SLC16A2: variants seen among roughly 807,000 people sequenced by gnomAD.
SLC16A2 encodes the protein monocarboxylate transporter 8.
A neutral mutation model predicts 27.2 loss-of-function variants in SLC16A2; 3 were observed. The observed-to-expected ratio is 0.11, with a 90% confidence interval of 0.05 to 0.28. SLC16A2 has a LOEUF of 0.28. Ranked by LOEUF, SLC16A2 falls within the 10% of genes least tolerant of loss-of-function variation. The pLI is 1.00. For missense variants in SLC16A2, 295 were observed against 458.5 expected (o/e 0.64, Z 3.26); for synonymous variants, 202 against 187.8 (o/e 1.08, Z -0.62).
At chrX:74,516,959 T>A (rs1930326263) in intron 1 of SLC16A2, among the ~76,000 whole-genome samples, 1 of 112,035 alleles carries the variant, frequency 8.9e-6, no homozygotes, top group African/African-American at 3.2e-5. Flanking sequence ...ACTGTATGAC[T>A]CCATTTATAT....
At chrX:74,511,150 TA>T (rs1017515415) in intron 1 of SLC16A2, among the ~76,000 whole-genome samples, 2 of 111,433 alleles carry the variant, frequency 1.8e-5, no homozygotes, top group Non-Finnish European at 3.8e-5. Context: ...TGTGGAGAGA[TA>T]AAAATGAGAT....
At chrX:74,506,934 TTTA>T (rs1348705490) in intron 1 of SLC16A2, among the ~76,000 whole-genome samples, 7 of 28,258 alleles carry the variant, frequency 2.5e-4, no homozygotes, top group African/African-American at 4.5e-4. Context: ...TATTTATTTA[TTTA>T]TTTTTTTTTT....
intron 1 of SLC16A2, among the ~76,000 whole-genome samples, chrX:74,476,057 T>C (rs1284574645): frequency 4.5e-5 from 5 of 111,440 alleles, no homozygotes; most frequent in East Asian, 5.6e-4. Flanking sequence ...ATTGAATCTA[T>C]AAATTACCTT....
intron 4 of SLC16A2, among the ~76,000 whole-genome samples, chrX:74,526,952 C>T (rs1256145074): frequency 3.5e-5 from 4 of 112,732 alleles, no homozygotes; most frequent in African/African-American, 6.5e-5. Flanking sequence ...TTAGCAGCTC[C>T]AAGATGCCAA....
intron 1 of SLC16A2, among the ~76,000 whole-genome samples, chrX:74,511,201 A>C (rs2147866439): frequency 9.0e-6 from 1 of 110,539 alleles, no homozygotes; most frequent in South Asian, 3.9e-4. Flanking sequence ...TTTTTTTTTG[A>C]GACGGAGTCT....
At chrX:74,485,054 TA>T (rs1217376981) in intron 1 of SLC16A2, among the ~76,000 whole-genome samples, 8 of 110,557 alleles carry the variant, frequency 7.2e-5, no homozygotes, top group Middle Eastern at 4.6e-3. Flanking sequence ...TCGTCTCTAC[TA>T]AAAATACAAA....
chrX:74,488,902 G>T (rs1929772916), intron 1 of SLC16A2, among the ~76,000 whole-genome samples: 1 of 111,379 alleles, frequency 9.0e-6, no homozygotes, highest in Non-Finnish European at 1.9e-5. Flanking sequence ...AGAATTAGAT[G>T]AAGATATTTA....
intron 1 of SLC16A2, among the ~76,000 whole-genome samples, chrX:74,436,673 A>G (rs1441797513): frequency 1.8e-5 from 2 of 111,718 alleles, no homozygotes; most frequent in African/African-American, 3.3e-5. Context: ...CTTATTATCT[A>G]CTGAGTAGAC....
chrX:74,455,079 G>A (rs1377500815), intron 1 of SLC16A2, among the ~76,000 whole-genome samples: 1 of 112,084 alleles, frequency 8.9e-6, no homozygotes, highest in African/African-American at 3.2e-5. Flanking sequence ...GTAGTTGCAT[G>A]TACTTGTGCA....
intron 1 of SLC16A2, among the ~76,000 whole-genome samples, chrX:74,437,859 C>T (rs1432759625): frequency 3.6e-5 from 4 of 111,654 alleles, no homozygotes; most frequent in African/African-American, 1.3e-4. Context: ...ACCCTCATCA[C>T]ACACCTATGG....
At chrX:74,490,365 T>TA (rs376272755) in intron 1 of SLC16A2, among the ~76,000 whole-genome samples, 2,126 of 99,114 alleles carry the variant, frequency 0.021, 69 homozygotes, top group African/African-American at 0.069. Context: ...TTCCCACACT[T>TA]AAAAAAAAAA....
At chrX:74,422,089 A>C (rs1462495333) in intron 1 of SLC16A2, 22 bp downstream of exon 1, 3 of 1,199,884 alleles carry the variant, frequency 2.5e-6, no homozygotes, top group Non-Finnish European at 3.4e-6. Flanking sequence ...CGCACGCCCC[A>C]CTTGGCATTT....
At chrX:74,463,566 A>G (rs1396014045) in intron 1 of SLC16A2, among the ~76,000 whole-genome samples, 8 of 110,222 alleles carry the variant, frequency 7.3e-5, no homozygotes, top group African/African-American at 2.6e-4. Flanking sequence ...TCACTTTGTC[A>G]CCCAGGCTGG....
At chrX:74,503,081 C>T (rs963739534) in intron 1 of SLC16A2, among the ~76,000 whole-genome samples, 5 of 109,606 alleles carry the variant, frequency 4.6e-5, no homozygotes, top group Non-Finnish European at 7.6e-5. Context: ...CTCCTGTTCT[C>T]TCCCCACCCT....
At chrX:74,428,417 A>G (rs1334008275) in intron 1 of SLC16A2, among the ~76,000 whole-genome samples, 1 of 110,789 alleles carries the variant, frequency 9.0e-6, no homozygotes, top group African/African-American at 3.3e-5. Context: ...CCAATCACAT[A>G]TTTTCTCAGC....
At chrX:74,507,144 C>T (rs193283616) in intron 1 of SLC16A2, among the ~76,000 whole-genome samples, 48 of 108,873 alleles carry the variant, frequency 4.4e-4, no homozygotes, top group Middle Eastern at 9.3e-3. Flanking sequence ...TTTGTAGAGA[C>T]GGGGTTTTGC....
In SLC16A2 at chrX:74,495,728, G is replaced by A. The variant is rs553199706; in HGVS notation, c.431-25262G>A. Among the ~76,000 whole-genome samples, 47 of 111,039 alleles carry A rather than the reference G, an allele frequency of 4.2e-4. No homozygotes were observed. In the South Asian group the frequency reaches 0.014, roughly 33 times the overall value. ...AGACCCATACATTCCTTGGTAAATG[G>A]TTTCTGGTCTTAATTACCTTTACTG... On this transcript the variant is annotated intron_variant, in intron 1 of 5. Coordinates refer to ENST00000587091, the MANE Select transcript of SLC16A2 (RefSeq NM_006517.5).
At chrX:74,512,209 G>A (rs747785597) in intron 1 of SLC16A2, among the ~76,000 whole-genome samples, 33 of 112,105 alleles carry the variant, frequency 2.9e-4, no homozygotes, top group Admixed American at 5.7e-4. Context: ...ACTAGATGTA[G>A]ACACATCACC....
chrX:74,470,011 CT>C (rs1929325514), intron 1 of SLC16A2, among the ~76,000 whole-genome samples: 1 of 111,886 alleles, frequency 8.9e-6, no homozygotes, highest in African/African-American at 3.2e-5. Flanking sequence ...ACCACTGATC[CT>C]TTTACTGTCT....
Sources: allele counts gnomAD v4.1 joint callset (sites outside exome capture counted in the v4.1 genomes callset), GRCh38; gene constraint gnomAD v4.1.1; transcripts MANE v1.5; gene names NCBI Gene and HGNC (gene_info 2026-07-23, HGNC 2026-07-21).